Variants in GPHN observed in about 807,000 individuals in gnomAD.
The protein encoded by GPHN is gephyrin.
Under a neutral mutation model 95.5 loss-of-function variants are expected in GPHN, and 17 were observed. The ratio of observed to expected loss-of-function variants is 0.18; its 90% CI spans 0.12 to 0.27. The LOEUF is 0.27. Ranked by LOEUF, GPHN falls within the 10% of genes least tolerant of loss-of-function variation. GPHN has a pLI of 1.00. For synonymous variants in GPHN, 320 were observed against 322.5 expected, an observed-to-expected ratio of 0.99 and a Z score of 0.08; for missense variants, 660 against 978.1, an observed-to-expected ratio of 0.67 and a Z score of 4.34.
At chr14:66,877,205 C>T (rs1025408309) in intron 4 of GPHN, among the ~76,000 whole-genome samples, 9 of 152,112 alleles carry the variant, frequency 5.9e-5, no homozygotes, top group Non-Finnish European at 1.3e-4. Flanking sequence ...GCTAAAAACT[C>T]TCAATAAACT....
At chr14:66,562,865 C>CTGTG (rs935713114) in intron 1 of GPHN, among the ~76,000 whole-genome samples, 1 of 151,020 alleles carries the variant, frequency 6.6e-6, no homozygotes, top group South Asian at 2.1e-4. Context: ...GATTTTGTGT[C>CTGTG]TGTGTGTGTG....
intron 7 of GPHN, among the ~76,000 whole-genome samples, chr14:66,923,795 G>GT (rs112942126): frequency 0.02 from 2,909 of 148,712 alleles, 36 homozygotes; most frequent in Middle Eastern, 0.025. Context: ...GCATTGTGAG[G>GT]TTTTTTTTTT....
At chr14:67,220,556 A>G in the GPHN span, among the ~76,000 whole-genome samples, 1 of 152,212 alleles carries the variant, frequency 6.6e-6, no homozygotes, top group Non-Finnish European at 1.5e-5. Flanking sequence ...AAATGTTGGA[A>G]ACTTAAACTT....
At chr14:66,960,619 A>T (rs1730060607) in intron 8 of GPHN, among the ~76,000 whole-genome samples, 1 of 152,146 alleles carries the variant, frequency 6.6e-6, no homozygotes, top group African/African-American at 2.4e-5. Flanking sequence ...AACAAATCAG[A>T]GAAAATCTCC....
chr14:67,709,232 A>G, the GPHN span, among the ~76,000 whole-genome samples: 3 of 152,234 alleles, frequency 2.0e-5, no homozygotes, highest in African/African-American at 7.2e-5. Flanking sequence ...TAAGTTATTC[A>G]TTTAACCAAA....
At chr14:67,314,888 T>A in the GPHN span, among the ~76,000 whole-genome samples, 4 of 152,102 alleles carry the variant, frequency 2.6e-5, no homozygotes, top group Non-Finnish European at 5.9e-5. Context: ...CCCAGGAGTT[T>A]GAGACTAGCC....
At chr14:67,079,449 C>T (rs1046697906) in intron 11 of GPHN, among the ~76,000 whole-genome samples, 3 of 152,084 alleles carry the variant, frequency 2.0e-5, no homozygotes, top group Non-Finnish European at 2.9e-5. Flanking sequence ...CCTAAATAAA[C>T]CACTAGTCTA....
chr14:67,324,937 C>G, the GPHN span, among the ~76,000 whole-genome samples: 19,299 of 127,826 alleles, frequency 0.15, 2,724 homozygotes, highest in East Asian at 0.43. Flanking sequence ...CTGAGTCTTG[C>G]TCTGTCACCC....
chr14:66,719,330 T>C, intron 2 of GPHN, among the ~76,000 whole-genome samples: 1 of 152,108 alleles, frequency 6.6e-6, no homozygotes, highest in East Asian at 1.9e-4. Context: ...CCTCTATCCG[T>C]GTATTTCGCT....
At chr14:67,303,650 C>A in the GPHN span, 1 of 1,263,184 alleles carries the variant, frequency 7.9e-7, no homozygotes, top group Non-Finnish European at 1.2e-6. Flanking sequence ...ATGCTGTTTA[C>A]TTCTGTTACT....
chr14:66,677,645 C>T (rs1028080914), intron 1 of GPHN, among the ~76,000 whole-genome samples: 4 of 151,782 alleles, frequency 2.6e-5, no homozygotes, highest in Non-Finnish European at 5.9e-5. Context: ...TGAGAAGACA[C>T]TTGATATAAT....
intron 1 of GPHN, among the ~76,000 whole-genome samples, chr14:66,656,710 A>G (rs946918572): frequency 6.6e-6 from 1 of 152,194 alleles, no homozygotes; most frequent in Non-Finnish European, 1.5e-5. Context: ...TGTTACTCAT[A>G]CAATTGTTTT....
In GPHN at chr14:66,555,599, T is replaced by G. The variant is rs571675943; in HGVS notation, c.64+47008T>G. Among the ~76,000 whole-genome samples the G allele has an allele frequency of 3.9e-5, 6 of 152,286 alleles. No homozygotes were observed. The South Asian group carries it at 1.2e-3, about 32-fold the overall frequency. Reference sequence around the variant, plus strand: ...GATGGTACTACCAAATACATTATCATTGTAAAGTTCAGCGATAAGACAAAA... The same window carrying G: ...GATGGTACTACCAAATACATTATCAGTGTAAAGTTCAGCGATAAGACAAAA... On this transcript the variant is annotated intron_variant, in intron 1 of 22. Coordinates refer to ENST00000478722, the MANE Select transcript of GPHN (RefSeq NM_020806.5).
intron 1 of GPHN, among the ~76,000 whole-genome samples, chr14:66,549,153 C>G (rs944486236): frequency 6.6e-6 from 1 of 152,030 alleles, no homozygotes; most frequent in Admixed American, 6.6e-5. Flanking sequence ...TAGAATGTGT[C>G]TAAAGTTTTT....
intron 5 of GPHN, among the ~76,000 whole-genome samples, chr14:66,904,558 A>G (rs2065279396): frequency 6.6e-6 from 1 of 152,132 alleles, no homozygotes; most frequent in South Asian, 2.1e-4. Context: ...CTCTTGTAAG[A>G]CATAAAAGTT....
intron 2 of GPHN, among the ~76,000 whole-genome samples, chr14:66,710,490 A>T (rs1339765023): frequency 4.6e-5 from 7 of 152,210 alleles, no homozygotes; most frequent in Non-Finnish European, 4.4e-5. Flanking sequence ...ATAGCACTAT[A>T]TGTATAAAAT....
chr14:67,496,391 GTTTTTTTTTT>G, the GPHN span, among the ~76,000 whole-genome samples: 262 of 30,092 alleles, frequency 8.7e-3, 2 homozygotes, highest in African/African-American at 0.033. Flanking sequence ...CTGCTCCGGC[GTTTTTTTTTT>G]TTTTTTTTTT....
chr14:67,503,070 G>T, the GPHN span, among the ~76,000 whole-genome samples: 3 of 152,108 alleles, frequency 2.0e-5, no homozygotes, highest in Non-Finnish European at 4.4e-5. Flanking sequence ...GCAGATAACC[G>T]CACGCTAACA....
At chr14:67,536,540 C>T in the GPHN span, among the ~76,000 whole-genome samples, 2 of 151,810 alleles carry the variant, frequency 1.3e-5, no homozygotes, top group Non-Finnish European at 2.9e-5. Context: ...CTCCTGCATC[C>T]TCCACAAGAT....
Sources: gnomAD v4.1 joint callset for allele counts (sites outside exome capture counted in the v4.1 genomes callset) on GRCh38, gnomAD v4.1.1 for gene constraint, MANE v1.5 for transcripts, NCBI Gene and HGNC (gene_info 2026-07-23, HGNC 2026-07-21) for gene names.